HOGA1: variants seen among roughly 807,000 people sequenced by gnomAD.
HOGA1 encodes the protein 4-hydroxy-2-oxoglutarate aldolase 1, also known as 4-hydroxy-2-oxoglutarate aldolase, mitochondrial.
Under a neutral mutation model 34.3 loss-of-function variants are expected in HOGA1, and 30 were observed. That is an observed-to-expected ratio of 0.87 (90% confidence interval 0.65 to 1.19). The LOEUF (loss-of-function observed/expected upper bound fraction) is 1.19. HOGA1 is among the 50% of genes most tolerant of loss of function. The pLI is 0.00. For synonymous variants in HOGA1, 161 were observed against 174.0 expected, an observed-to-expected ratio of 0.93 and a Z score of 0.59; for missense variants, 417 against 436.5, an observed-to-expected ratio of 0.96 and a Z score of 0.40.
At chr10:97,601,543 C>T (rs1024848392) in intron 5 of HOGA1, among the ~76,000 whole-genome samples, 6 of 152,182 alleles carry the variant, frequency 3.9e-5, no homozygotes, top group African/African-American at 4.8e-5. Context: ...TGTCAACTGT[C>T]AGATGGGATT....
chr10:97,598,717 A>C (rs2041089748), intron 1 of HOGA1, 58 bp from the exon 2 acceptor site: 3 of 1,603,324 alleles, frequency 1.9e-6, no homozygotes, highest in Non-Finnish European at 2.6e-6. Context: ...TAGGAACACC[A>C]ATGTCCTAGT....
Position 97,611,984 on chromosome 10 carries a change from A to T in HOGA1, c.*325A>T. 1 of 305,804 alleles carries T rather than the reference A, an allele frequency of 3.3e-6. No individual in the cohort carries two copies. The highest frequency in any genetic ancestry group is 6.1e-6 in the Non-Finnish European group (1 of 163,098). The allele number at this position is 305,804 out of a possible 1,614,324, so 18.9% of individuals were successfully genotyped here. ...ACATGAAGTCAGAAAGGAAGGGCAGAGGGGCAAGTAGGCACAGTAAGGGAA... is the reference window on the plus strand; with the variant it reads ...ACATGAAGTCAGAAAGGAAGGGCAGTGGGGCAAGTAGGCACAGTAAGGGAA... On this transcript the variant is annotated 3_prime_UTR_variant, in exon 7 of 7. Coordinates refer to ENST00000370646, the MANE Select transcript of HOGA1 (RefSeq NM_138413.4).
intron 6 of HOGA1, among the ~76,000 whole-genome samples, chr10:97,604,231 T>C (rs2041141186): frequency 6.6e-6 from 1 of 152,252 alleles, no homozygotes; most frequent in African/African-American, 2.4e-5. Context: ...ATTCTCTGGA[T>C]ATTCATCCAG....
In HOGA1 at chr10:97,611,561, G is replaced by A. The variant is rs1292329729; in HGVS notation, c.886G>A (p.Gly296Ser). Residue 296 changes from glycine to serine, a missense_variant, in exon 7 of 7, where the codon GGC (glycine) becomes AGC (serine). By Grantham distance (56) the Gly-to-Ser change is moderately conservative. Transcript: ENST00000370646. ...PGLKKIMDWF[G>S]YYGGPCRAPL... ...GCTGAAGAAAATCATGGACTGGTTTGGCTACTATGGAGGCCCCTGCCGCGC... is the reference window on the plus strand; with the variant it reads ...GCTGAAGAAAATCATGGACTGGTTTAGCTACTATGGAGGCCCCTGCCGCGC... The A allele has an allele frequency of 1.9e-6, 3 of 1,614,246 alleles. No homozygotes were observed. In the South Asian group the frequency reaches 3.3e-5, roughly 18 times the overall value.
rs1219879770 is a variant in HOGA1 at position 97,603,202 on chromosome 10, C to T, written c.834+1212C>T. On this transcript the variant is annotated intron_variant, in intron 6 of 6. Transcript: ENST00000370646. The surrounding 1 kb of genome is among the most constrained non-coding windows in gnomAD (Gnocchi z 4.5). ...TATTTTTAGTAGAGACGGGGTTTCA[C>T]CATGTTGGCCAGGCTGGCCTCAAAC... Among the ~76,000 whole-genome samples the T allele has an allele frequency of 1.3e-5, 2 of 152,062 alleles. No individual in the cohort carries two copies. Among genetic ancestry groups the T allele is most frequent in the Non-Finnish European group, 2.9e-5 (2 of 68,010 alleles).
intron 2 of HOGA1, 43 bp from the exon 3 acceptor site, chr10:97,599,046 G>T (rs755380551): frequency 6.2e-7 from 1 of 1,609,786 alleles, no homozygotes; most frequent in Non-Finnish European, 8.5e-7. Flanking sequence ...TCCTGGTCCA[G>T]GCCTCCTTCT....
chr10:97,590,992 G>T, intron 1 of HOGA1: 1 of 187,572 alleles, frequency 5.3e-6, no homozygotes. Flanking sequence ...GAGGGAGGGG[G>T]CTCCCTCTCC....
In HOGA1 at chr10:97,603,850, G is replaced by C. The variant is rs535992870; in HGVS notation, c.834+1860G>C. 7.2e-4 allele frequency among the ~76,000 whole-genome samples: 109 copies of C among 152,236 alleles called. 1 individual carries two copies. In the South Asian group the frequency reaches 0.011, roughly 15 times the overall value. On this transcript the variant is annotated intron_variant, in intron 6 of 6. Coordinates refer to ENST00000370646, the MANE Select transcript of HOGA1 (RefSeq NM_138413.4). The surrounding 1 kb of genome is among the most constrained non-coding windows in gnomAD (Gnocchi z 4.5). ...GCTGGGATTACAGGCATGAGCCACT[G>C]CGCCTGGCCAAACTTTTTATTTTTA...
chr10:97,595,369 CT>C (rs1416794163), intron 1 of HOGA1, among the ~76,000 whole-genome samples: 1 of 152,222 alleles, frequency 6.6e-6, no homozygotes, highest in Non-Finnish European at 1.5e-5. Flanking sequence ...ATTCGAAGTA[CT>C]TTATAAATAG....
intron 5 of HOGA1, among the ~76,000 whole-genome samples, chr10:97,601,489 T>A (rs759611720): frequency 1.3e-5 from 2 of 152,140 alleles, no homozygotes; most frequent in Non-Finnish European, 2.9e-5. Context: ...TCCTACCCTC[T>A]TACAGGACTG....
chr10:97,597,385 G>T (rs7068278), intron 1 of HOGA1, among the ~76,000 whole-genome samples: 27,761 of 151,432 alleles, frequency 0.18, 2,651 homozygotes, highest in Non-Finnish European at 0.2. Context: ...GTAAACTACT[G>T]CCATTTTTTT....
chr10:97,600,280 C>G (rs904586074), intron 5 of HOGA1, 117 bp downstream of exon 5: 2 of 865,612 alleles, frequency 2.3e-6, no homozygotes, highest in African/African-American at 1.7e-5. Flanking sequence ...AGTTTGCCAG[C>G]CTGCCCACTC....
chr10:97,590,308 G>A (rs371888091), intron 1 of HOGA1: 4 of 1,613,686 alleles, frequency 2.5e-6, no homozygotes, highest in African/African-American at 1.3e-5. Context: ...TTGACACCCA[G>A]GGGCGGCACC....
intron 6 of HOGA1, among the ~76,000 whole-genome samples, chr10:97,605,910 A>T (rs1041830815): frequency 6.6e-6 from 1 of 152,066 alleles, no homozygotes; most frequent in African/African-American, 2.4e-5. Context: ...GGTCTTTTGC[A>T]GAGCAAGTTT....
chr10:97,595,552 C>T (rs1295392220), intron 1 of HOGA1, among the ~76,000 whole-genome samples: 2 of 151,966 alleles, frequency 1.3e-5, no homozygotes, highest in Non-Finnish European at 2.9e-5. Flanking sequence ...AAAAATTAGC[C>T]GGCATGGTGT....
rs186174397 is a variant in HOGA1 at position 97,594,886 on chromosome 10, T to C, written c.212-3889T>C. On this transcript the variant is annotated intron_variant, in intron 1 of 6. Transcript: ENST00000370646. ...GAGGATTGAAGAGTTCTAGGGACCT[T>C]TGTAGATGGGTGCTGTCCATGGGGA... Among the ~76,000 whole-genome samples the C allele has an allele frequency of 3.2e-3, 493 of 152,112 alleles. 3 individuals are homozygous for C. The highest frequency in any genetic ancestry group is 0.011 in the African/African-American group (453 of 41,496).
intron 5 of HOGA1, chr10:97,600,574 T>A (rs1465944987): frequency 3.4e-6 from 1 of 291,268 alleles, no homozygotes; most frequent in Non-Finnish European, 6.7e-6. Context: ...TTGTCAGATC[T>A]ACAGAGTTGA....
At chr10:97,604,854 C>T (rs1040162001) in intron 6 of HOGA1, among the ~76,000 whole-genome samples, 1 of 152,112 alleles carries the variant, frequency 6.6e-6, no homozygotes, top group African/African-American at 2.4e-5. Context: ...TGGTGGTGCA[C>T]ATCTGTAATC....
Position 97,593,029 on chromosome 10 carries a change from C to CAAAAAAAAAAAAAAAAAAA in HOGA1, c.212-5742_212-5724dup, listed in dbSNP as rs1169191059. On this transcript the variant is annotated intron_variant, in intron 1 of 6. Coordinates refer to ENST00000370646, the MANE Select transcript of HOGA1 (RefSeq NM_138413.4). ...TGGGCGACAGAGTGAGACTCTGTCT[C>CAAAAAAAAAAAAAAAAAAA]AAAAAAAAAAAAAAAAAAAAAAGAG... 1.4e-3 allele frequency among the ~76,000 whole-genome samples: 66 copies of CAAAAAAAAAAAAAAAAAAA among 47,796 alleles called. 3 individuals carry two copies. Among genetic ancestry groups the CAAAAAAAAAAAAAAAAAAA allele is most frequent in the Non-Finnish European group, 1.7e-3 (42 of 24,978 alleles). The allele number at this position is 47,796 out of a possible 152,430, so 31.4% of individuals were successfully genotyped here. A position where few individuals can be genotyped will look rare whatever the true frequency, so the allele number is the denominator to read the frequency against.
Sources: gnomAD v4.1 joint callset for allele counts (sites outside exome capture counted in the v4.1 genomes callset) on GRCh38, gnomAD v4.1.1 for gene constraint, Gnocchi (gnomAD v3.1) non-coding constraint, MANE v1.5 for transcripts, NCBI Gene and HGNC (gene_info 2026-07-23, HGNC 2026-07-21) for gene names.